Variants in CSMD1 observed in about 807,000 individuals in gnomAD.
The protein encoded by CSMD1 is CUB and Sushi multiple domains 1, also known as CUB and sushi domain-containing protein 1.
Under a neutral mutation model 417.5 loss-of-function variants are expected in CSMD1, and 213 were observed. That is an observed-to-expected ratio of 0.51 (90% CI 0.46 to 0.57). The LOEUF (loss-of-function observed/expected upper bound fraction) is 0.57, where lower values mean the gene tolerates loss of function less well. Ranked by LOEUF, CSMD1 falls within the 20% of genes least tolerant of loss-of-function variation. The pLI, the probability that CSMD1 is intolerant of heterozygous loss-of-function variation, is 0.00. For missense variants in CSMD1, 6,923 were observed against 4,529.7 expected, an observed-to-expected ratio of 1.53 and a Z score of -15.17; for synonymous variants, 2,862 against 1,736.8, an observed-to-expected ratio of 1.65 and a Z score of -16.11.
At chr8:2,961,301 A>C in intron 61 of CSMD1, 87 bp from the exon 62 acceptor site, 1 of 663,890 alleles carries the variant, frequency 1.5e-6, no homozygotes, top group East Asian at 3.0e-5. Context: ...GGTCTCATGA[A>C]ATAGAGAAAA....
intron 36 of CSMD1, among the ~76,000 whole-genome samples, chr8:3,184,351 C>T (rs974154508): frequency 2.6e-5 from 4 of 152,188 alleles, no homozygotes; most frequent in Admixed American, 2.0e-4. Context: ...TCTCTGACTT[C>T]GTGCAAAGCA....
At chr8:3,945,921 A>C (rs953432353) in intron 5 of CSMD1, among the ~76,000 whole-genome samples, 3 of 152,162 alleles carry the variant, frequency 2.0e-5, no homozygotes, top group Admixed American at 1.3e-4. Context: ...CGTGGCTCCA[A>C]CTAAGACTAT....
chr8:3,455,417 T>C (rs529164816), intron 12 of CSMD1, among the ~76,000 whole-genome samples: 2 of 152,358 alleles, frequency 1.3e-5, no homozygotes, highest in East Asian at 3.9e-4. Context: ...GTTTTTCTGC[T>C]CTGTTTTTTC....
chr8:3,952,977 A>G (rs1193049757), intron 5 of CSMD1, among the ~76,000 whole-genome samples: 1 of 149,940 alleles, frequency 6.7e-6, no homozygotes, highest in Non-Finnish European at 1.5e-5. Context: ...AGAATACACT[A>G]TTTAAAAATT....
chr8:4,107,360 C>G (rs560389776), intron 3 of CSMD1, among the ~76,000 whole-genome samples: 31 of 152,304 alleles, frequency 2.0e-4, no homozygotes, highest in African/African-American at 7.5e-4. Flanking sequence ...ACAAAGCCAC[C>G]TGTAGAGGAT....
rs563354654 is a variant in CSMD1 at position 4,872,917 on chromosome 8, A to C, written c.85+121415T>G. ...TTGTGCGATGTCTGAATTTTTTGAC[A>C]TATGTTTTATTTTATTTCCATCTCT... On this transcript the variant is annotated intron_variant, in intron 1 of 69. Transcript: ENST00000635120. Among the ~76,000 whole-genome samples, 10 of 152,130 alleles carry C rather than the reference A, an allele frequency of 6.6e-5. No individual in the cohort carries two copies. In the East Asian group the frequency reaches 1.9e-3, roughly 29 times the overall value.
intron 1 of CSMD1, among the ~76,000 whole-genome samples, chr8:4,805,467 G>C (rs1798533956): frequency 6.6e-6 from 1 of 152,066 alleles, no homozygotes; most frequent in Non-Finnish European, 1.5e-5. Flanking sequence ...TGAGAAGCCT[G>C]CGTCGAGAAG....
intron 12 of CSMD1, among the ~76,000 whole-genome samples, chr8:3,430,504 C>G (rs1032002316): frequency 1.3e-5 from 2 of 152,058 alleles, no homozygotes; most frequent in African/African-American, 4.8e-5. Context: ...TTCATCATTA[C>G]AACATGTTAA....
At chr8:3,909,665 C>G (rs1324808174) in intron 5 of CSMD1, among the ~76,000 whole-genome samples, 1 of 152,086 alleles carries the variant, frequency 6.6e-6, no homozygotes, top group Non-Finnish European at 1.5e-5. Flanking sequence ...ACCTGGGAAC[C>G]CTCCTTTTCC....
chr8:3,020,470 A>C lies in CSMD1; in HGVS notation c.7856-1820T>G, dbSNP rs574493793. 1.2e-4 allele frequency among the ~76,000 whole-genome samples: 19 copies of C among 152,220 alleles called. No individual in the cohort carries two copies. The East Asian group carries it at 3.7e-3, about 29-fold the overall frequency. On this transcript the variant is annotated intron_variant, in intron 51 of 69. Transcript: ENST00000635120. ...CAGCAGCCCTGACCTCCTGGGTTCAAGACATCCTTCTGCTCAGCCTCCCAA... is the reference window on the plus strand; with the variant it reads ...CAGCAGCCCTGACCTCCTGGGTTCACGACATCCTTCTGCTCAGCCTCCCAA...
chr8:4,116,180 G>C (rs1206886604), intron 3 of CSMD1, among the ~76,000 whole-genome samples: 1 of 152,004 alleles, frequency 6.6e-6, no homozygotes, highest in Non-Finnish European at 1.5e-5. Context: ...TTTTAGTACA[G>C]ACGGGGTTTC....
chr8:3,711,096 T>C (rs1007951261), intron 6 of CSMD1, among the ~76,000 whole-genome samples: 2 of 152,144 alleles, frequency 1.3e-5, no homozygotes, highest in South Asian at 4.1e-4. Flanking sequence ...ATATTTCCTA[T>C]AGCAATATTT....
At chr8:4,210,865 G>A (rs1455781217) in intron 3 of CSMD1, among the ~76,000 whole-genome samples, 1 of 152,114 alleles carries the variant, frequency 6.6e-6, no homozygotes, top group African/African-American at 2.4e-5. Context: ...TCACAGCAGT[G>A]TTGTCTTCTT....
chr8:3,290,626 T>G (rs1803482805), intron 25 of CSMD1, among the ~76,000 whole-genome samples: 1 of 147,196 alleles, frequency 6.8e-6, no homozygotes. Flanking sequence ...GCTCTCTGTT[T>G]GTCTGTTATT....
intron 4 of CSMD1, among the ~76,000 whole-genome samples, chr8:4,011,842 C>T (rs781274772): frequency 2.0e-5 from 3 of 152,004 alleles, no homozygotes; most frequent in Non-Finnish European, 4.4e-5. Flanking sequence ...TCTTTGGTAT[C>T]CATTGGGAAT....
At chr8:3,740,386 A>G (rs1796735866) in intron 6 of CSMD1, among the ~76,000 whole-genome samples, 2 of 152,200 alleles carry the variant, frequency 1.3e-5, no homozygotes, top group Admixed American at 6.5e-5. Context: ...TTAAAGAATA[A>G]CTGATGATAA....
intron 23 of CSMD1, among the ~76,000 whole-genome samples, chr8:3,310,977 G>C (rs973332826): frequency 6.6e-6 from 1 of 152,136 alleles, no homozygotes; most frequent in South Asian, 2.1e-4. Context: ...ATGAAAGCCT[G>C]GACTAAGAAG....
intron 10 of CSMD1, among the ~76,000 whole-genome samples, chr8:3,538,080 G>T (rs1158555239): frequency 6.6e-6 from 1 of 152,198 alleles, no homozygotes; most frequent in African/African-American, 2.4e-5. Flanking sequence ...CCGATCCTAT[G>T]CACAGAGTTT....
At chr8:3,600,099 G>C (rs1192355284) in intron 8 of CSMD1, among the ~76,000 whole-genome samples, 2 of 152,172 alleles carry the variant, frequency 1.3e-5, no homozygotes, top group Admixed American at 6.5e-5. Context: ...AAGTCTAGCA[G>C]GTAAAGAGAG....
Sources: gnomAD v4.1 joint callset for allele counts (sites outside exome capture counted in the v4.1 genomes callset) on GRCh38, gnomAD v4.1.1 for gene constraint, MANE v1.5 for transcripts, NCBI Gene and HGNC (gene_info 2026-07-23, HGNC 2026-07-21) for gene names.